Variants in CCNB3 observed in about 807,000 individuals in gnomAD.
The protein encoded by CCNB3 is cyclin B3.
In CCNB3, 12 loss-of-function variants were observed where a neutral mutation model predicts 68.0. The observed-to-expected ratio is 0.18, with a 90% confidence interval of 0.11 to 0.29. CCNB3 has a LOEUF of 0.29. Ranked by LOEUF, CCNB3 falls within the 10% of genes least tolerant of loss-of-function variation. CCNB3 has a pLI of 1.00. For missense variants in CCNB3, 904 were observed against 993.1 expected, an observed-to-expected ratio of 0.91 and a Z score of 1.21; for synonymous variants, 354 against 388.9, an observed-to-expected ratio of 0.91 and a Z score of 1.06.
At chrX:50,322,805 A>G (rs12014320) in intron 8 of CCNB3, among the ~76,000 whole-genome samples, 3,736 of 111,569 alleles carry the variant, frequency 0.033, 171 homozygotes, top group African/African-American at 0.12. Context: ...GCAGCCAAAA[A>G]ACACATGAAA....
chrX:50,299,998 C>T (rs782205735), intron 5 of CCNB3, among the ~76,000 whole-genome samples: 2 of 111,386 alleles, frequency 1.8e-5, no homozygotes, highest in East Asian at 2.8e-4. Context: ...AGATCTTCCT[C>T]CATCCCTTTA....
At chrX:50,342,385 C>A in intron 9 of CCNB3, 46 bp downstream of exon 9, 5 of 1,108,291 alleles carry the variant, frequency 4.5e-6, no homozygotes, top group Non-Finnish European at 6.0e-6. Flanking sequence ...AAGTTTCTGT[C>A]CAACCCAGTG....
chrX:50,334,509 C>G (rs1557218528), intron 8 of CCNB3, among the ~76,000 whole-genome samples: 1 of 112,717 alleles, frequency 8.9e-6, no homozygotes, highest in Non-Finnish European at 1.9e-5. Flanking sequence ...CTTGTGCTAA[C>G]AGGGCTGTTG....
At chrX:50,325,874 T>C (rs1922273582) in intron 8 of CCNB3, among the ~76,000 whole-genome samples, 1 of 111,923 alleles carries the variant, frequency 8.9e-6, no homozygotes, top group African/African-American at 3.2e-5. Flanking sequence ...TTACAGATCC[T>C]TTATTATATG....
At chrX:50,226,208 A>G (rs1935771534) in intron 1 of CCNB3, among the ~76,000 whole-genome samples, 2 of 66,938 alleles carry the variant, frequency 3.0e-5, no homozygotes, top group South Asian at 1.6e-3. Flanking sequence ...TAGAATATAT[A>G]TATTTATATA....
rs1429566512 is a variant in CCNB3, at chrX:50,220,023, CTT to C, written c.-113+15075_-113+15076del. ...GTTGTATTCCTAGGAATTTTATTCT[CTT>C]TGTAGCAATTGTGAATGGGAGCTCA... is the stretch of plus-strand genomic sequence containing the variant. On this transcript the variant is annotated intron_variant, in intron 1 of 12. Coordinates refer to ENST00000376042, the MANE Select transcript of CCNB3 (RefSeq NM_033031.3). Among the ~76,000 whole-genome samples, 260 of 111,440 alleles carry C rather than the reference CTT, an allele frequency of 2.3e-3. No individual in the cohort carries two copies. The Middle Eastern group carries it at 0.023, about 10-fold the overall frequency.
At chrX:50,227,043 T>C (rs1379366450) in intron 1 of CCNB3, among the ~76,000 whole-genome samples, 1 of 79,031 alleles carries the variant, frequency 1.3e-5, no homozygotes, top group Non-Finnish European at 2.2e-5. Context: ...ATATAGAATA[T>C]ATACAAATAT....
chrX:50,209,999 A>AAAAT (rs1321608951), intron 1 of CCNB3, among the ~76,000 whole-genome samples: 4 of 112,056 alleles, frequency 3.6e-5, no homozygotes, highest in African/African-American at 1.3e-4. Flanking sequence ...TAGCTACTAA[A>AAAAT]AAATTTCTCA....
At chrX:50,288,660 T>C (rs1936287254) in intron 3 of CCNB3, 120 bp from the exon 4 acceptor site, 2 of 454,766 alleles carry the variant, frequency 4.4e-6, no homozygotes, top group Non-Finnish European at 7.8e-6. Flanking sequence ...TGGGGTTTAT[T>C]ATATGCATCC....
At chrX:50,226,543 TATATATATAGAATATATATATAA>T (rs1331696286) in intron 1 of CCNB3, among the ~76,000 whole-genome samples, 26 of 56,194 alleles carry the variant, frequency 4.6e-4, no homozygotes, top group African/African-American at 1.5e-3. Flanking sequence ...AATATATGAA[TATATATATAGAATATATATATAA>T]ATATATATAG....
chrX:50,292,413 A>G (rs1204963240), intron 4 of CCNB3, among the ~76,000 whole-genome samples: 1 of 110,230 alleles, frequency 9.1e-6, no homozygotes, highest in Non-Finnish European at 1.9e-5. Context: ...GTTTTTGTCT[A>G]ATGTTTGCTT....
chrX:50,279,437 TATATATAAATATATAA>T (rs1259486600), intron 1 of CCNB3, among the ~76,000 whole-genome samples: 10 of 71,509 alleles, frequency 1.4e-4, no homozygotes, highest in African/African-American at 5.2e-4. Flanking sequence ...TATATAAATA[TATATATAAATATATAA>T]ATATATATAA....
At chrX:50,336,718 C>T (rs782699917) in intron 8 of CCNB3, among the ~76,000 whole-genome samples, 3 of 111,233 alleles carry the variant, frequency 2.7e-5, no homozygotes, top group African/African-American at 6.5e-5. Context: ...CTATCCATGC[C>T]GCATGGTACT....
At chrX:50,346,606 T>A (rs1358532920) in intron 9 of CCNB3, 46 bp from the exon 10 acceptor site, 25 of 1,159,255 alleles carry the variant, frequency 2.2e-5, no homozygotes, top group Non-Finnish European at 2.9e-5. Context: ...AGCAGAAAGG[T>A]TGGGTTGTCT....
chrX:50,206,341 G>A (rs1935363508), intron 1 of CCNB3, among the ~76,000 whole-genome samples: 1 of 111,857 alleles, frequency 8.9e-6, no homozygotes, highest in African/African-American at 3.3e-5. Flanking sequence ...GGAGGCTGAG[G>A]CGGGAAGAAA....
intron 8 of CCNB3, among the ~76,000 whole-genome samples, chrX:50,314,276 G>A (rs782644518): frequency 9.0e-5 from 10 of 111,335 alleles, no homozygotes; most frequent in Non-Finnish European, 1.9e-4. Context: ...CTAGTGATTT[G>A]GACTGGGGTC....
At chrX:50,205,826 C>T (rs1304438126) in intron 1 of CCNB3, among the ~76,000 whole-genome samples, 3 of 106,726 alleles carry the variant, frequency 2.8e-5, no homozygotes, top group Non-Finnish European at 5.8e-5. Context: ...TGGTGGCATG[C>T]GTCTGTAGCT....
At position 50,309,425 on chromosome X, in the gene CCNB3, C is replaced by T; in HGVS notation, c.1256C>T (p.Ser419Phe). The T allele has an allele frequency of 1.7e-6, 2 of 1,211,238 alleles. No homozygotes were observed. Among genetic ancestry groups the T allele is most frequent in the Non-Finnish European group, 2.2e-6 (2 of 895,253 alleles). Residue 419 changes from serine (S) to phenylalanine (F), a missense_variant, in exon 6 of 13, where the codon TCC becomes TTC. By Grantham distance (155) the Ser-to-Phe change is radical (BLOSUM62 -2). This residue lies in a region of CCNB3 where 619 missense variants were observed against 609.8 expected (regional missense o/e 1.02). Transcript: ENST00000376042. Reference protein sequence around the residue: ...GEKSLIMKPLSIKEKPSTEKE... With the variant: ...GEKSLIMKPLFIKEKPSTEKE... Reference sequence around the variant, plus strand: ...AAGTCGCTCATTATGAAGCCATTGTCCATTAAAGAAAAGCCATCTACTGAG... The same window carrying T: ...AAGTCGCTCATTATGAAGCCATTGTTCATTAAAGAAAAGCCATCTACTGAG...
intron 5 of CCNB3, among the ~76,000 whole-genome samples, chrX:50,298,522 G>T (rs1436162077): frequency 8.9e-6 from 1 of 111,783 alleles, no homozygotes; most frequent in East Asian, 2.8e-4. Flanking sequence ...TGTGCTGCTG[G>T]ATTCCTTTTG....
Sources: allele counts gnomAD v4.1 joint callset (sites outside exome capture counted in the v4.1 genomes callset), GRCh38; gene constraint gnomAD v4.1.1; regional missense constraint gnomAD v4.1.1; transcripts MANE v1.5; gene names NCBI Gene and HGNC (gene_info 2026-07-23, HGNC 2026-07-21).